SORCS2: variants seen among roughly 807,000 people sequenced by gnomAD.
SORCS2 encodes the protein VPS10 domain-containing receptor SorCS2.
A neutral mutation model predicts 141.6 loss-of-function variants in SORCS2; 100 were observed. That is an observed-to-expected ratio of 0.71 (90% CI 0.60 to 0.83). The LOEUF (loss-of-function observed/expected upper bound fraction) is 0.83. Among genes scored for constraint, SORCS2 ranks in the 40% least tolerant of loss-of-function variants. The pLI is 0.00. For missense variants in SORCS2, 1,646 were observed against 1,560.2 expected (o/e 1.05, Z -0.93); for synonymous variants, 789 against 676.9 (o/e 1.17, Z -2.57).
At chr4:7,448,419 T>C (rs1012229700) in intron 2 of SORCS2, among the ~76,000 whole-genome samples, 7 of 150,016 alleles carry the variant, frequency 4.7e-5, no homozygotes, top group Non-Finnish European at 8.9e-5. Flanking sequence ...ATTCCCTCCC[T>C]CCTTCATTCC....
chr4:7,409,684 C>T (rs953389915), intron 2 of SORCS2, among the ~76,000 whole-genome samples: 1 of 152,146 alleles, frequency 6.6e-6, no homozygotes, highest in African/African-American at 2.4e-5. Flanking sequence ...AGGCTCAGTG[C>T]CAGGCAGGAT....
intron 2 of SORCS2, among the ~76,000 whole-genome samples, chr4:7,526,681 C>T (rs971188492): frequency 1.3e-5 from 2 of 152,144 alleles, no homozygotes; most frequent in Non-Finnish European, 2.9e-5. Flanking sequence ...GTGGTAATGT[C>T]GCGTCAGGGC....
chr4:7,241,258 C>T (rs541314588), intron 1 of SORCS2, among the ~76,000 whole-genome samples: 5 of 152,148 alleles, frequency 3.3e-5, no homozygotes, highest in South Asian at 4.1e-4. Context: ...CCTGGGGGGC[C>T]GGTGGGGCTT....
chr4:7,222,702 C>T (rs1374351868), intron 1 of SORCS2, among the ~76,000 whole-genome samples: 1 of 152,044 alleles, frequency 6.6e-6, no homozygotes, highest in Non-Finnish European at 1.5e-5. Context: ...TGTGGTCAGG[C>T]TTCCCAGGCT....
chr4:7,206,659 C>T (rs1229745721), intron 1 of SORCS2, among the ~76,000 whole-genome samples: 1 of 152,132 alleles, frequency 6.6e-6, no homozygotes, highest in Non-Finnish European at 1.5e-5. Context: ...CAGCTGCTGA[C>T]TCATGGTCGT....
intron 3 of SORCS2, among the ~76,000 whole-genome samples, chr4:7,590,732 C>T (rs1577802302): frequency 1.3e-5 from 2 of 152,322 alleles, no homozygotes; most frequent in South Asian, 4.1e-4. Context: ...TCCTAAGATT[C>T]ATGAAGTTCA....
At chr4:7,381,076 T>C (rs1722964740) in intron 1 of SORCS2, among the ~76,000 whole-genome samples, 2 of 90,336 alleles carry the variant, frequency 2.2e-5, no homozygotes, top group East Asian at 2.3e-4. Flanking sequence ...AGCAAGACTC[T>C]GTCTCCAAAA....
intron 1 of SORCS2, among the ~76,000 whole-genome samples, chr4:7,386,721 A>C (rs1344797801): frequency 8.6e-6 from 1 of 116,756 alleles, no homozygotes; most frequent in East Asian, 3.1e-4. Flanking sequence ...ATACACATGC[A>C]CATACATACA....
intron 2 of SORCS2, among the ~76,000 whole-genome samples, chr4:7,406,118 T>C (rs1320579279): frequency 6.6e-6 from 1 of 152,154 alleles, no homozygotes; most frequent in Non-Finnish European, 1.5e-5. Flanking sequence ...GTATTATCTT[T>C]GTGGTGTGTT....
chr4:7,740,620 G>T lies in SORCS2; in HGVS notation c.*356G>T, dbSNP rs758732440. 8.5e-6 allele frequency: 3 copies of T among 350,936 alleles called. No homozygotes were observed. Among genetic ancestry groups the T allele is most frequent in the Non-Finnish European group, 1.6e-5 (3 of 184,560 alleles). The allele number at this position is 350,936 out of a possible 1,614,324, so 21.7% of individuals were successfully genotyped here. The stretch of plus-strand genomic sequence containing the variant: ...CGTCCTGGAGCCCTCCCAGTACCTC[G>T]GGCTGCAAGAGCTGCAGACCCGTTC... On this transcript the variant is annotated 3_prime_UTR_variant, in exon 27 of 27. Transcript: ENST00000507866.
intron 2 of SORCS2, among the ~76,000 whole-genome samples, chr4:7,410,406 T>C (rs943822437): frequency 6.6e-6 from 1 of 152,206 alleles, no homozygotes; most frequent in African/African-American, 2.4e-5. Flanking sequence ...TCTGTGCACA[T>C]AGACAGGCCT....
intron 2 of SORCS2, among the ~76,000 whole-genome samples, chr4:7,436,426 G>A (rs560406471): frequency 5.9e-5 from 9 of 152,372 alleles, no homozygotes; most frequent in South Asian, 4.1e-4. Context: ...GCCCCTTGGC[G>A]TGAACGCAGC....
chr4:7,338,178 T>G (rs1352869476), intron 1 of SORCS2, among the ~76,000 whole-genome samples: 1 of 142,424 alleles, frequency 7.0e-6, no homozygotes, highest in Non-Finnish European at 1.5e-5. Context: ...GATGGATGGA[T>G]GGATGTTGGA....
chr4:7,387,800 A>G (rs1171742460), intron 1 of SORCS2, among the ~76,000 whole-genome samples: 4 of 54,820 alleles, frequency 7.3e-5, no homozygotes, highest in African/African-American at 4.0e-4. Flanking sequence ...ATGCATGCTC[A>G]CATGCACACA....
At chr4:7,338,477 G>A (rs1466347498) in intron 1 of SORCS2, among the ~76,000 whole-genome samples, 5 of 151,988 alleles carry the variant, frequency 3.3e-5, no homozygotes, top group Admixed American at 6.6e-5. Flanking sequence ...ACCCACCGCC[G>A]AACAGAGCCC....
At chr4:7,521,158 T>C (rs1454168743) in intron 2 of SORCS2, among the ~76,000 whole-genome samples, 4 of 152,160 alleles carry the variant, frequency 2.6e-5, no homozygotes, top group African/African-American at 9.7e-5. Flanking sequence ...CTCTGTCCTC[T>C]GCTGGTGTCC....
rs760777649 is a variant in SORCS2 at position 7,193,162 on chromosome 4, C to G, written c.480+36C>G. 5.4e-6 allele frequency: 8 copies of G among 1,469,846 alleles called. No individual in the cohort carries two copies. In the Admixed American group the frequency reaches 1.8e-4, roughly 34 times the overall value. 91.1% of individuals were successfully genotyped at this position (1,469,846 alleles called of 1,614,324 possible). On this transcript the variant is annotated intron_variant, in intron 1 of 26. Transcript: ENST00000507866. This position sits in a 1 kb window ranked among gnomAD's most constrained non-coding sequence, Gnocchi z 4.8. The stretch of plus-strand genomic sequence containing the variant: ...TCCACGCGCTCGCCGCGGCCCCTAC[C>G]CGGGACACCGCGGGACACCCGGGCG...
At chr4:7,283,135 C>G (rs1029564864) in intron 1 of SORCS2, among the ~76,000 whole-genome samples, 3 of 152,214 alleles carry the variant, frequency 2.0e-5, no homozygotes, top group African/African-American at 7.2e-5. Flanking sequence ...CCACCATGTT[C>G]CAGGCACCTT....
At chr4:7,305,273 T>C (rs538158180) in intron 1 of SORCS2, among the ~76,000 whole-genome samples, 31 of 152,054 alleles carry the variant, frequency 2.0e-4, no homozygotes, top group East Asian at 1.2e-3. Context: ...CCTCGTGATC[T>C]GCCCGCCTCG....
Sources: allele counts gnomAD v4.1 joint callset (sites outside exome capture counted in the v4.1 genomes callset), GRCh38; gene constraint gnomAD v4.1.1; non-coding constraint Gnocchi (gnomAD v3.1); transcripts MANE v1.5; gene names NCBI Gene and HGNC (gene_info 2026-07-23, HGNC 2026-07-21).